CBX3: variants seen among roughly 807,000 people sequenced by gnomAD.
CBX3 encodes the protein chromobox protein homolog 3.
A neutral mutation model predicts 22.6 loss-of-function variants in CBX3; 5 were observed. That is an observed-to-expected ratio of 0.22 (90% CI 0.12 to 0.47). CBX3 has a LOEUF of 0.47. CBX3 is among the 20% of genes least tolerant of loss of function. The probability of loss-of-function intolerance (pLI) is 0.99; values close to 1 mark genes in which losing one functional copy is unlikely to be tolerated. For synonymous variants in CBX3, 50 were observed against 66.6 expected, an observed-to-expected ratio of 0.75 and a Z score of 1.21; for missense variants, 83 against 208.1, an observed-to-expected ratio of 0.40 and a Z score of 3.70.
At chr7:26,203,419 A>G (rs1784598437) in intron 2 of CBX3, among the ~76,000 whole-genome samples, 1 of 152,210 alleles carries the variant, frequency 6.6e-6, no homozygotes, top group African/African-American at 2.4e-5. Flanking sequence ...AATTTAAAGA[A>G]CAAGGTACCT....
chr7:26,211,797 C>T, intron 5 of CBX3, 41 bp downstream of exon 5: 2 of 1,138,050 alleles, frequency 1.8e-6, no homozygotes, highest in Non-Finnish European at 1.2e-6. Context: ...GTAAGAGTAG[C>T]TTTTTTTTTT....
chr7:26,205,528 C>A (rs1199607489), intron 2 of CBX3, among the ~76,000 whole-genome samples: 1 of 152,170 alleles, frequency 6.6e-6, no homozygotes, highest in African/African-American at 2.4e-5. Context: ...CTATAGTTGA[C>A]CCTGCAGTTG....
At chr7:26,201,977 G>T (rs1784485048) in intron 1 of CBX3, 151 bp downstream of exon 1, 1 of 151,764 alleles carries the variant, frequency 6.6e-6, no homozygotes, top group Admixed American at 6.6e-5. Context: ...GGGTCGGGCG[G>T]TGGCCTCGCG....
rs528024567 is a variant in CBX3 at position 26,202,341 on chromosome 7, C to T, written c.-29+515C>T. The T allele has an allele frequency of 5.7e-3, 862 of 152,392 alleles. 10 individuals are homozygous for T. Among genetic ancestry groups the T allele is most frequent in the African/African-American group, 0.019 (809 of 41,578 alleles). 9.4% of individuals were successfully genotyped at this position (152,392 alleles called of 1,614,324 possible). A position where few individuals can be genotyped will look rare whatever the true frequency, so the allele number is the denominator to read the frequency against. On this transcript the variant is annotated intron_variant, in intron 1 of 5. Transcript: ENST00000396386. ...CCCCCGTGCCGCGGCCTTTGTTTCTCCCCGCGGATGCGCTGACCACGAGGC... is the reference window on the plus strand; with the variant it reads ...CCCCCGTGCCGCGGCCTTTGTTTCTTCCCGCGGATGCGCTGACCACGAGGC...
chr7:26,203,099 G>A (rs1361746349), intron 2 of CBX3, 77 bp downstream of exon 2: 1 of 882,436 alleles, frequency 1.1e-6, no homozygotes, highest in Non-Finnish European at 1.7e-6. Context: ...TTGCATCTCT[G>A]TGGCTGAGAA....
In CBX3 at chr7:26,212,236, T is replaced by TTA. The variant is rs749825060; in HGVS notation, c.*41_*42dup. 659 of 1,102,496 alleles carry TTA rather than the reference T, an allele frequency of 6.0e-4. No homozygotes were observed. Among genetic ancestry groups the TTA allele is most frequent in the East Asian group, 3.5e-3 (97 of 27,982 alleles). The allele number at this position is 1,102,496 out of a possible 1,614,324, so 68.3% of individuals were successfully genotyped here. ...GTTCACATTGTTCTTTTATATATAT[T>TTA]TATATATATATATAAAAATTGGGTC... On this transcript the variant is annotated 3_prime_UTR_variant, in exon 6 of 6. Transcript: ENST00000396386.
chr7:26,203,227 A>G (rs975183713), intron 2 of CBX3, among the ~76,000 whole-genome samples: 3 of 152,218 alleles, frequency 2.0e-5, no homozygotes, highest in African/African-American at 4.8e-5. Flanking sequence ...AACTAGTTCA[A>G]AGAAGGCTAA....
At chr7:26,203,902 G>C (rs775632827) in intron 2 of CBX3, among the ~76,000 whole-genome samples, 1 of 152,152 alleles carries the variant, frequency 6.6e-6, no homozygotes, top group Non-Finnish European at 1.5e-5. Context: ...TTCTGCATTA[G>C]ATTCTGTTTA....
intron 3 of CBX3, among the ~76,000 whole-genome samples, chr7:26,207,136 G>A (rs1370182050): frequency 6.6e-6 from 1 of 152,124 alleles, no homozygotes; most frequent in Admixed American, 6.6e-5. Flanking sequence ...AGCTCCATAG[G>A]CAGTGACAAT....
At position 26,212,597 on chromosome 7, in the gene CBX3, T is replaced by G. The variant is rs1483112740; in HGVS notation, c.*389T>G. ...TACGTGTTTTTTGTGTGTGTGTGTGTGTGTGTGTGTGTGTGTATCCATAAA... is the reference window on the plus strand; with the variant it reads ...TACGTGTTTTTTGTGTGTGTGTGTGGGTGTGTGTGTGTGTGTATCCATAAA... On this transcript the variant is annotated 3_prime_UTR_variant, in exon 6 of 6. Coordinates refer to ENST00000396386, the MANE Select transcript of CBX3 (RefSeq NM_016587.4). 2 of 143,998 alleles carry G rather than the reference T, an allele frequency of 1.4e-5. No individual in the cohort carries two copies. Among genetic ancestry groups the G allele is most frequent in the Non-Finnish European group, 3.2e-5 (2 of 63,410 alleles). 8.9% of individuals were successfully genotyped at this position (143,998 alleles called of 1,614,324 possible).
chr7:26,207,862 A>T (rs914820107), intron 3 of CBX3, among the ~76,000 whole-genome samples: 1 of 151,694 alleles, frequency 6.6e-6, no homozygotes, highest in African/African-American at 2.4e-5. Flanking sequence ...AGAGACTTTT[A>T]TTGTCCTCTA....
At chr7:26,208,225 C>T (rs942060639) in intron 3 of CBX3, 168 bp from the exon 4 acceptor site, 12 of 471,430 alleles carry the variant, frequency 2.5e-5, no homozygotes, top group African/African-American at 3.8e-5. Flanking sequence ...CTGTCTCTGG[C>T]GGAGGCAGGC....
chr7:26,206,180 A>G lies in CBX3; in HGVS notation c.25-188A>G, dbSNP rs9769954. 810 of 517,768 alleles carry G rather than the reference A, an allele frequency of 1.6e-3. 4 individuals are homozygous for G. Among genetic ancestry groups the G allele is most frequent in the African/African-American group, 0.014 (710 of 51,128 alleles). 32.1% of individuals were successfully genotyped at this position (517,768 alleles called of 1,614,324 possible). A position where few individuals can be genotyped will look rare whatever the true frequency, so the allele number is the denominator to read the frequency against. ...GTGGTGGGTTGTAAGTTTGAACTAA[A>G]TGAACAAGATAAAGCATTCTTTTAT... On this transcript the variant is annotated intron_variant, in intron 2 of 5. Transcript: ENST00000396386.
At chr7:26,208,660 G>A (rs1016493175) in intron 4 of CBX3, 105 bp downstream of exon 4, 44 of 1,092,968 alleles carry the variant, frequency 4.0e-5, no homozygotes, top group South Asian at 2.7e-4. Flanking sequence ...TGCTCTTGTC[G>A]CCCAGGCTGG....
intron 4 of CBX3, 49 bp from the exon 5 acceptor site, chr7:26,211,613 A>T (rs752852652): frequency 2.5e-6 from 3 of 1,189,722 alleles, no homozygotes; most frequent in African/African-American, 3.1e-5. Context: ...CGCCATGAAA[A>T]CAATTTAATA....
intron 2 of CBX3, among the ~76,000 whole-genome samples, chr7:26,205,532 G>A (rs1259912348): frequency 6.6e-6 from 1 of 152,162 alleles, no homozygotes; most frequent in East Asian, 1.9e-4. Flanking sequence ...AGTTGACCCT[G>A]CAGTTGGTAT....
intron 3 of CBX3, 122 bp downstream of exon 3, chr7:26,206,632 T>G: frequency 2.2e-6 from 2 of 891,756 alleles, no homozygotes; most frequent in Non-Finnish European, 3.6e-6. Context: ...AAAGACACTT[T>G]GAATTTTAGG....
intron 4 of CBX3, among the ~76,000 whole-genome samples, chr7:26,209,268 T>C (rs924493582): frequency 3.9e-5 from 6 of 152,178 alleles, no homozygotes; most frequent in African/African-American, 1.4e-4. Context: ...CTTAATCGTA[T>C]TTTAAATATT....
At chr7:26,203,548 T>C (rs891573898) in intron 2 of CBX3, among the ~76,000 whole-genome samples, 4 of 152,212 alleles carry the variant, frequency 2.6e-5, no homozygotes, top group African/African-American at 9.7e-5. Context: ...TGCAGTGTTT[T>C]GTTTTTTAAA....
Sources: allele counts gnomAD v4.1 joint callset (sites outside exome capture counted in the v4.1 genomes callset), GRCh38; gene constraint gnomAD v4.1.1; transcripts MANE v1.5; gene names NCBI Gene and HGNC (gene_info 2026-07-23, HGNC 2026-07-21).